SDK1: variants seen among roughly 807,000 people sequenced by gnomAD.
The protein encoded by SDK1 is sidekick cell adhesion molecule 1.
SDK1 carries 157 observed loss-of-function variants against 245.5 expected under a neutral mutation model. The observed-to-expected ratio is 0.64, with a 90% CI of 0.56 to 0.73. SDK1 has a LOEUF of 0.73. Ranked by LOEUF, SDK1 falls within the 30% of genes least tolerant of loss-of-function variation. The pLI is 0.00. For synonymous variants in SDK1, 1,647 were observed against 1,278.5 expected, an observed-to-expected ratio of 1.29 and a Z score of -6.15; for missense variants, 3,583 against 3,002.3, an observed-to-expected ratio of 1.19 and a Z score of -4.52.
intron 4 of SDK1, among the ~76,000 whole-genome samples, chr7:3,737,064 A>G (rs1207076709): frequency 6.6e-6 from 1 of 152,234 alleles, no homozygotes. Context: ...TGCCCTCAGG[A>G]TACATCCATG....
chr7:3,974,790 G>A (rs1782780910), intron 13 of SDK1: 3 of 440,336 alleles, frequency 6.8e-6, no homozygotes, highest in South Asian at 6.4e-5. Flanking sequence ...TATTTCAGTT[G>A]ATCCTTTTTG....
intron 4 of SDK1, among the ~76,000 whole-genome samples, chr7:3,644,797 A>AAAAAAAAAAAAAC (rs1554301839): frequency 7.6e-6 from 1 of 131,560 alleles, no homozygotes; most frequent in African/African-American, 2.6e-5. Context: ...AAAAAACAAA[A>AAAAAAAAAAAAAC]AACAACAACA....
chr7:3,434,011 A>G (rs928515560), intron 1 of SDK1, among the ~76,000 whole-genome samples: 1 of 152,196 alleles, frequency 6.6e-6, no homozygotes. Flanking sequence ...CATCCCACAG[A>G]TCTGATGATT....
chr7:3,973,600 C>A (rs1782660564), intron 12 of SDK1, among the ~76,000 whole-genome samples: 1 of 151,704 alleles, frequency 6.6e-6, no homozygotes, highest in African/African-American at 2.4e-5. Flanking sequence ...TTGGGCAATT[C>A]CACTCTGTAG....
At chr7:3,974,677 A>T (rs1040229321) in intron 13 of SDK1, 132 bp downstream of exon 13, 1 of 741,566 alleles carries the variant, frequency 1.3e-6, no homozygotes, top group East Asian at 2.7e-5. Flanking sequence ...CCAGCGCATC[A>T]TGCTGCATAA....
At chr7:3,487,802 C>G (rs1781747687) in intron 1 of SDK1, among the ~76,000 whole-genome samples, 1 of 148,280 alleles carries the variant, frequency 6.7e-6, no homozygotes, top group Non-Finnish European at 1.5e-5. Context: ...TGTCTTGTGG[C>G]TCTCCAAAGC....
Position 3,817,176 on chromosome 7 carries a change from C to T in SDK1, c.714-4274C>T, listed in dbSNP as rs74412596. Among the ~76,000 whole-genome samples the T allele has an allele frequency of 7.9e-5, 12 of 152,280 alleles. No individual in the cohort carries two copies. In the East Asian group the frequency reaches 2.3e-3, roughly 29 times the overall value. ...TTCATGGAAGCCAACGGATGGGTTA[C>T]AGTGCAAGTTTTGGGAGCTCATCAT... On this transcript the variant is annotated intron_variant, in intron 4 of 44. Coordinates refer to ENST00000404826, the MANE Select transcript of SDK1 (RefSeq NM_152744.4).
At chr7:3,304,716 G>T (rs1170757401) in intron 1 of SDK1, among the ~76,000 whole-genome samples, 2 of 152,242 alleles carry the variant, frequency 1.3e-5, no homozygotes, top group East Asian at 3.9e-4. Flanking sequence ...ATACACATTG[G>T]AATTCGAGAA....
intron 4 of SDK1, among the ~76,000 whole-genome samples, chr7:3,713,231 T>G (rs930592418): frequency 6.6e-6 from 1 of 152,336 alleles, no homozygotes; most frequent in Middle Eastern, 3.4e-3. Context: ...TCTTCCTTTG[T>G]TAGGATAAGA....
chr7:4,012,128 C>A lies in SDK1; in HGVS notation c.2313C>A (p.Pro771=), dbSNP rs760983071. 6.3e-7 allele frequency: 1 copy of A among 1,575,552 alleles called. No individual in the cohort carries two copies. Among genetic ancestry groups the A allele is most frequent in the South Asian group, 1.2e-5 (1 of 85,028 alleles). ...LMLPEEPPSA[P]PKNIVASGRT... The stretch of plus-strand genomic sequence containing the variant: ...TACCTGAAGAACCACCCAGTGCTCC[C>A]CCGAAAAATATAGTGGCCAGTGGGC... Residue 771 remains proline, a synonymous_variant, in exon 16 of 45, where the codon CCC becomes CCA. Coordinates refer to ENST00000404826, the MANE Select transcript of SDK1 (RefSeq NM_152744.4).
At chr7:3,906,615 GTCTTT>G (rs1218111778) in intron 5 of SDK1, among the ~76,000 whole-genome samples, 3 of 91,944 alleles carry the variant, frequency 3.3e-5, no homozygotes, top group South Asian at 4.0e-4. Context: ...GCATTTCAGT[GTCTTT>G]TTTTTTTTTT....
chr7:3,943,054 AG>A (rs1197406418), intron 5 of SDK1, among the ~76,000 whole-genome samples: 1 of 152,202 alleles, frequency 6.6e-6, no homozygotes, highest in Non-Finnish European at 1.5e-5. Context: ...AAGTTTCAAG[AG>A]GCGTATTCGC....
intron 13 of SDK1, among the ~76,000 whole-genome samples, chr7:3,982,732 C>CG (rs1184355902): frequency 1.3e-5 from 2 of 151,282 alleles, no homozygotes; most frequent in Non-Finnish European, 2.9e-5. Context: ...CCCAGCTACT[C>CG]GGGGGGCTGA....
intron 14 of SDK1, among the ~76,000 whole-genome samples, chr7:4,004,464 A>G (rs532024644): frequency 1.3e-5 from 2 of 152,364 alleles, no homozygotes; most frequent in East Asian, 3.9e-4. Flanking sequence ...AAAAATGCAA[A>G]GTAAAGCATC....
chr7:3,799,197 A>G (rs1432310946), intron 4 of SDK1, among the ~76,000 whole-genome samples: 2 of 151,932 alleles, frequency 1.3e-5, no homozygotes, highest in Non-Finnish European at 2.9e-5. Context: ...CAAAATACTT[A>G]TTTTTCGTTT....
intron 1 of SDK1, among the ~76,000 whole-genome samples, chr7:3,383,498 C>T (rs1013672985): frequency 1.3e-5 from 2 of 152,176 alleles, no homozygotes. Context: ...TTTTAGCCAT[C>T]TCTTTTTGGC....
intron 4 of SDK1, among the ~76,000 whole-genome samples, chr7:3,700,012 A>G (rs1292594503): frequency 6.6e-6 from 1 of 152,214 alleles, no homozygotes; most frequent in Non-Finnish European, 1.5e-5. Context: ...ATGATCTCTC[A>G]TCAGAAATTG....
At chr7:3,371,853 A>G (rs1198940491) in intron 1 of SDK1, among the ~76,000 whole-genome samples, 1 of 152,220 alleles carries the variant, frequency 6.6e-6, no homozygotes, top group Non-Finnish European at 1.5e-5. Flanking sequence ...AGAAACCCTG[A>G]CAGTCGGCCA....
At chr7:3,700,361 G>A (rs964040281) in intron 4 of SDK1, among the ~76,000 whole-genome samples, 38 of 152,150 alleles carry the variant, frequency 2.5e-4, no homozygotes, top group Admixed American at 3.9e-4. Context: ...GATGTAAAAA[G>A]TATAACATTG....
Sources: allele counts gnomAD v4.1 joint callset (sites outside exome capture counted in the v4.1 genomes callset), GRCh38; gene constraint gnomAD v4.1.1; transcripts MANE v1.5; gene names NCBI Gene and HGNC (gene_info 2026-07-23, HGNC 2026-07-21).